ADAMTS2: variants seen among roughly 807,000 people sequenced by gnomAD.
The protein encoded by ADAMTS2 is A disintegrin and metalloproteinase with thrombospondin motifs 2.
A neutral mutation model predicts 123.0 loss-of-function variants in ADAMTS2; 50 were observed. That is an observed-to-expected ratio of 0.41 (90% CI 0.32 to 0.51). ADAMTS2 has a LOEUF of 0.51. Ranked by LOEUF, ADAMTS2 falls within the 20% of genes least tolerant of loss-of-function variation. ADAMTS2 has a pLI of 0.35. For missense variants in ADAMTS2, 1,494 were observed against 1,705.2 expected, an observed-to-expected ratio of 0.88 and a Z score of 2.18; for synonymous variants, 678 against 695.4, an observed-to-expected ratio of 0.98 and a Z score of 0.39.
chr5:179,187,905 G>C (rs568010024), intron 4 of ADAMTS2, among the ~76,000 whole-genome samples: 38 of 152,222 alleles, frequency 2.5e-4, no homozygotes, highest in Admixed American at 5.9e-4. Flanking sequence ...AATGAGGAAG[G>C]AGCGGCTCTG....
intron 4 of ADAMTS2, among the ~76,000 whole-genome samples, chr5:179,193,942 G>C (rs976463376): frequency 1.3e-5 from 2 of 152,198 alleles, no homozygotes; most frequent in Non-Finnish European, 1.5e-5. Flanking sequence ...ACAGCCCGGC[G>C]TGGCACATCA....
At chr5:179,302,171 G>A (rs976869464) in intron 2 of ADAMTS2, among the ~76,000 whole-genome samples, 15 of 152,158 alleles carry the variant, frequency 9.9e-5, no homozygotes, top group African/African-American at 2.2e-4. Context: ...GAAAATAGAC[G>A]GGGGTGATGG....
At chr5:179,215,341 G>A (rs1477464218) in intron 3 of ADAMTS2, among the ~76,000 whole-genome samples, 3 of 152,106 alleles carry the variant, frequency 2.0e-5, no homozygotes, top group Non-Finnish European at 2.9e-5. Context: ...CCAGCTACTC[G>A]GGAGGCTGAG....
intron 2 of ADAMTS2, among the ~76,000 whole-genome samples, chr5:179,316,606 C>A (rs1156989001): frequency 6.6e-6 from 1 of 152,190 alleles, no homozygotes; most frequent in Non-Finnish European, 1.5e-5. Flanking sequence ...CAACCCCAGT[C>A]CAGCAAGGCC....
chr5:179,305,882 A>T (rs1202153517), intron 2 of ADAMTS2, among the ~76,000 whole-genome samples: 1 of 152,236 alleles, frequency 6.6e-6, no homozygotes, highest in Admixed American at 6.5e-5. Context: ...GTGTTGAAGA[A>T]ATGCATGATT....
intron 5 of ADAMTS2, among the ~76,000 whole-genome samples, chr5:179,172,599 TG>T (rs1322245666): frequency 1.3e-5 from 2 of 152,192 alleles, no homozygotes; most frequent in East Asian, 3.9e-4. Flanking sequence ...GTGGACCCCC[TG>T]CCCCAGCCAC....
At chr5:179,268,306 C>T (rs1766427589) in intron 3 of ADAMTS2, among the ~76,000 whole-genome samples, 1 of 152,222 alleles carries the variant, frequency 6.6e-6, no homozygotes, top group Non-Finnish European at 1.5e-5. Flanking sequence ...TCTTGGTCTC[C>T]ACGTTTCCAT....
chr5:179,245,631 T>G (rs1765768927), intron 3 of ADAMTS2, among the ~76,000 whole-genome samples: 1 of 148,826 alleles, frequency 6.7e-6, no homozygotes. Context: ...CCGGGCGTGG[T>G]AGCGGGCGCC....
intron 3 of ADAMTS2, among the ~76,000 whole-genome samples, chr5:179,218,653 C>A (rs1012488973): frequency 6.6e-6 from 1 of 152,200 alleles, no homozygotes; most frequent in Non-Finnish European, 1.5e-5. Context: ...TGGGGAGGGG[C>A]TCCTGGGGCC....
At chr5:179,200,056 G>A (rs370927541) in intron 4 of ADAMTS2, among the ~76,000 whole-genome samples, 17 of 152,188 alleles carry the variant, frequency 1.1e-4, no homozygotes, top group South Asian at 8.3e-4. Context: ...TTGAACAAGC[G>A]ATCCCACATT....
intron 2 of ADAMTS2, among the ~76,000 whole-genome samples, chr5:179,274,139 C>T (rs975201672): frequency 2.0e-5 from 3 of 151,972 alleles, no homozygotes; most frequent in African/African-American, 7.3e-5. Flanking sequence ...CCTCCCCTGC[C>T]ATACCCTGCC....
At chr5:179,340,310 C>T (rs1035605148) in intron 2 of ADAMTS2, among the ~76,000 whole-genome samples, 1 of 152,192 alleles carries the variant, frequency 6.6e-6, no homozygotes, top group Non-Finnish European at 1.5e-5. Context: ...GGGTTGCTTC[C>T]ATCCCACGGA....
At chr5:179,190,940 C>T (rs1486587652) in intron 4 of ADAMTS2, among the ~76,000 whole-genome samples, 6 of 152,252 alleles carry the variant, frequency 3.9e-5, no homozygotes, top group East Asian at 3.8e-4. Flanking sequence ...CAGGCACGTC[C>T]GCGAGTGTGA....
In ADAMTS2 at chr5:179,186,687, A is replaced by C. The variant is rs367968419; in HGVS notation, c.892-5532T>G. ...AACATTTCTGCAGAGCAGAGAGTCG[A>C]CTGATGTGGCAAAAAGAGCAACTGA... is the stretch of plus-strand genomic sequence containing the variant. On this transcript the variant is annotated intron_variant, in intron 4 of 21. Coordinates refer to ENST00000251582, the MANE Select transcript of ADAMTS2 (RefSeq NM_014244.5). Among the ~76,000 whole-genome samples, 3 of 152,176 alleles carry C rather than the reference A, an allele frequency of 2.0e-5. No individual in the cohort carries two copies. The South Asian group carries it at 6.2e-4, about 31-fold the overall frequency.
chr5:179,173,274 A>T (rs905784017), intron 5 of ADAMTS2, among the ~76,000 whole-genome samples: 12 of 149,730 alleles, frequency 8.0e-5, no homozygotes, highest in Non-Finnish European at 1.6e-4. Flanking sequence ...TATTGAATTT[A>T]AAAAATTCAG....
intron 2 of ADAMTS2, among the ~76,000 whole-genome samples, chr5:179,278,661 G>A (rs1185158251): frequency 6.6e-6 from 1 of 152,008 alleles, no homozygotes; most frequent in Admixed American, 6.6e-5. Flanking sequence ...TGCTCTTGAA[G>A]TCTGTGGATG....
chr5:179,207,480 G>GCC, intron 4 of ADAMTS2, 33 bp downstream of exon 4: 1 of 454,416 alleles, frequency 2.2e-6, no homozygotes, highest in East Asian at 4.4e-5. Flanking sequence ...GACCCTCCCC[G>GCC]CCCCACCCTG....
chr5:179,210,925 T>C (rs763442867), intron 3 of ADAMTS2, among the ~76,000 whole-genome samples: 1 of 152,246 alleles, frequency 6.6e-6, no homozygotes, highest in Non-Finnish European at 1.5e-5. Flanking sequence ...ACCCAGGCCA[T>C]GAAGAGACTC....
At chr5:179,209,658 C>A (rs529745430) in intron 3 of ADAMTS2, among the ~76,000 whole-genome samples, 1 of 152,048 alleles carries the variant, frequency 6.6e-6, no homozygotes, top group Admixed American at 6.5e-5. Flanking sequence ...GGGGTGGGGC[C>A]GGCAGGCCTG....
Sources: gnomAD v4.1 joint callset for allele counts (sites outside exome capture counted in the v4.1 genomes callset) on GRCh38, gnomAD v4.1.1 for gene constraint, MANE v1.5 for transcripts, NCBI Gene and HGNC (gene_info 2026-07-23, HGNC 2026-07-21) for gene names.